The following ECT2L variants were observed in gnomAD, a reference collection of about 807,000 sequenced individuals.
ECT2L encodes the protein epithelial cell transforming 2 like.
In ECT2L, 126 loss-of-function variants were observed where a neutral mutation model predicts 122.8. That is an observed-to-expected ratio of 1.03 (90% CI 0.89 to 1.19). The LOEUF (loss-of-function observed/expected upper bound fraction) is 1.19, where lower values mean the gene tolerates loss of function less well. Among genes scored for constraint, ECT2L ranks in the 50% most tolerant of loss-of-function variants. ECT2L has a pLI of 0.00. For missense variants in ECT2L, 1,012 were observed against 1,064.1 expected (o/e 0.95, Z 0.68); for synonymous variants, 385 against 381.8 (o/e 1.01, Z -0.10).
intron 1 of ECT2L, among the ~76,000 whole-genome samples, chr6:138,801,865 A>T (rs897751895): frequency 4.6e-5 from 7 of 152,232 alleles, no homozygotes; most frequent in African/African-American, 1.7e-4. Context: ...TATTAAAGAA[A>T]AGCAACCACA....
intron 4 of ECT2L, among the ~76,000 whole-genome samples, chr6:138,826,961 T>C (rs1052335786): frequency 6.6e-6 from 1 of 152,184 alleles, no homozygotes; most frequent in African/African-American, 2.4e-5. Flanking sequence ...GGAAGTTCCC[T>C]GAGGCCTCCT....
intron 13 of ECT2L, among the ~76,000 whole-genome samples, chr6:138,869,094 G>A (rs576853529): frequency 6.6e-6 from 1 of 152,196 alleles, no homozygotes; most frequent in Non-Finnish European, 1.5e-5. Context: ...TTGAACCCAG[G>A]AGGTGAAGGT....
chr6:138,891,484 C>A (rs1214580376), intron 20 of ECT2L, among the ~76,000 whole-genome samples: 1 of 152,110 alleles, frequency 6.6e-6, no homozygotes, highest in East Asian at 1.9e-4. Context: ...GAACACTGGT[C>A]TCCACAATCT....
chr6:138,852,818 G>A (rs1374495315), intron 9 of ECT2L, among the ~76,000 whole-genome samples: 4 of 152,008 alleles, frequency 2.6e-5, no homozygotes, highest in African/African-American at 9.7e-5. Flanking sequence ...ATGGTGCAGA[G>A]ATATTGGCAA....
At chr6:138,838,538 T>A in intron 5 of ECT2L, 24 bp downstream of exon 5, 1 of 1,599,480 alleles carries the variant, frequency 6.3e-7, no homozygotes, top group Non-Finnish European at 8.5e-7. Flanking sequence ...CACTTCCTAG[T>A]AATAGGGCAC....
At chr6:138,838,008 C>T (rs1776902895) in intron 4 of ECT2L, among the ~76,000 whole-genome samples, 1 of 151,428 alleles carries the variant, frequency 6.6e-6, no homozygotes, top group Non-Finnish European at 1.5e-5. Context: ...TCAAGTGATT[C>T]TCCTGCCTTG....
chr6:138,884,729 A>C (rs181564580), intron 16 of ECT2L, among the ~76,000 whole-genome samples: 38 of 152,328 alleles, frequency 2.5e-4, no homozygotes, highest in African/African-American at 8.7e-4. Flanking sequence ...CAGAAGTATT[A>C]AAGGTGAATA....
chr6:138,880,832 C>T, intron 14 of ECT2L, 125 bp from the exon 15 acceptor site: 2 of 736,172 alleles, frequency 2.7e-6, no homozygotes, highest in East Asian at 2.7e-5. Flanking sequence ...TCCTCCGTAG[C>T]CCCCGTGAAG....
At chr6:138,850,933 G>A (rs984790074) in intron 9 of ECT2L, among the ~76,000 whole-genome samples, 9 of 147,270 alleles carry the variant, frequency 6.1e-5, no homozygotes, top group East Asian at 6.0e-4. Flanking sequence ...CCTGGGAGGC[G>A]GACGTCGCGG....
At chr6:138,804,121 T>C (rs1328965012) in intron 1 of ECT2L, among the ~76,000 whole-genome samples, 1 of 152,194 alleles carries the variant, frequency 6.6e-6, no homozygotes, top group East Asian at 1.9e-4. Flanking sequence ...TGTGGAGTGA[T>C]TTTTTTCCCA....
chr6:138,894,667 A>G (rs1223684003), intron 20 of ECT2L, among the ~76,000 whole-genome samples: 2 of 152,184 alleles, frequency 1.3e-5, no homozygotes, highest in Non-Finnish European at 2.9e-5. Flanking sequence ...CATACTGGAA[A>G]TTGTAGACAA....
chr6:138,832,592 T>G (rs1776683386), intron 4 of ECT2L, among the ~76,000 whole-genome samples: 1 of 152,148 alleles, frequency 6.6e-6, no homozygotes, highest in Non-Finnish European at 1.5e-5. Flanking sequence ...CTCCCTTTCC[T>G]TTAGCAGCCC....
chr6:138,858,635 C>G (rs1777705219), intron 10 of ECT2L, among the ~76,000 whole-genome samples: 1 of 151,822 alleles, frequency 6.6e-6, no homozygotes, highest in Admixed American at 6.6e-5. Context: ...TCCCCACCCC[C>G]AACCTGAGGC....
At chr6:138,836,275 T>C (rs1181279131) in intron 4 of ECT2L, among the ~76,000 whole-genome samples, 1 of 151,102 alleles carries the variant, frequency 6.6e-6, no homozygotes, top group East Asian at 1.9e-4. Context: ...CCACTACTTT[T>C]AGCATTCATT....
At chr6:138,889,572 G>A (rs531532710) in intron 20 of ECT2L, among the ~76,000 whole-genome samples, 2 of 152,190 alleles carry the variant, frequency 1.3e-5, no homozygotes, top group South Asian at 4.1e-4. Flanking sequence ...CACCTGCCTT[G>A]GCCTCCCAAA....
At position 138,889,014 on chromosome 6, in the gene ECT2L, A is replaced by G; in HGVS notation, c.2397A>G (p.Glu799=). The G allele has an allele frequency of 6.5e-7, 1 of 1,549,138 alleles. No homozygotes were observed. Among genetic ancestry groups the G allele is most frequent in the Non-Finnish European group, 8.8e-7 (1 of 1,141,542 alleles). The change falls in exon 20 of 22, where the codon GAA becomes GAG. Residue 799 remains glutamate, a synonymous_variant. Coordinates refer to ENST00000541398, the MANE Select transcript of ECT2L (RefSeq NM_001077706.3). ...CCCAACTTCATTGCTGTGATGAAGA[A>G]ATAAGTTTCTCTTTAAGGTAAACAA... ...DVAQLHCCDE[E]ISFSLRLYEH... is the part of the protein sequence containing the mutation.
At chr6:138,873,138 C>T (rs1429827121) in intron 13 of ECT2L, among the ~76,000 whole-genome samples, 1 of 152,150 alleles carries the variant, frequency 6.6e-6, no homozygotes, top group Non-Finnish European at 1.5e-5. Flanking sequence ...GAAAGTTCCT[C>T]ATTGCTGGAA....
At chr6:138,852,192 G>A (rs1258784919) in intron 9 of ECT2L, among the ~76,000 whole-genome samples, 2 of 152,162 alleles carry the variant, frequency 1.3e-5, no homozygotes, top group East Asian at 1.9e-4. Flanking sequence ...GGATCCCGGC[G>A]GGGCAGAGGT....
rs1777226798 is a variant in ECT2L, at chr6:138,846,533, C to T, written c.765-6C>T. 1.1e-5 allele frequency: 18 copies of T among 1,579,252 alleles called. No individual in the cohort carries two copies. The African/African-American group carries it at 1.4e-4, about 12-fold the overall frequency. On this transcript the variant is annotated splice_polypyrimidine_tract_variant and splice_region_variant and intron_variant, in intron 7 of 21. Transcript: ENST00000541398. ...AAAACTTCTCATATTTCCTTTTACT[C>T]CATAGAAGCAATATTTCTGGAAGCC...
Sources: gnomAD v4.1 joint callset for allele counts (sites outside exome capture counted in the v4.1 genomes callset) on GRCh38, gnomAD v4.1.1 for gene constraint, MANE v1.5 for transcripts, NCBI Gene and HGNC (gene_info 2026-07-23, HGNC 2026-07-21) for gene names.